Variants in ACCS observed in about 807,000 individuals in gnomAD.
ACCS encodes 1-aminocyclopropane-1-carboxylate synthase-like protein 1.
Under a neutral mutation model 59.8 loss-of-function variants are expected in ACCS, and 42 were observed. The observed-to-expected ratio is 0.70, with a 90% CI of 0.55 to 0.91. ACCS has a LOEUF of 0.91. ACCS is among the 40% of genes least tolerant of loss of function. The pLI is 0.00. For missense variants in ACCS, 602 were observed against 630.4 expected (o/e 0.95, Z 0.48); for synonymous variants, 230 against 240.3 (o/e 0.96, Z 0.40).
chr11:44,071,166 A>G (rs754253971), intron 2 of ACCS, 90 bp from the exon 3 acceptor site: 45 of 1,364,110 alleles, frequency 3.3e-5, no homozygotes, highest in Non-Finnish European at 4.5e-5. Flanking sequence ...GAGAGCTCCC[A>G]CTTTGCTTTG....
intron 10 of ACCS, chr11:44,080,641 C>A: frequency 4.1e-6 from 1 of 245,744 alleles, no homozygotes; most frequent in Non-Finnish European, 7.9e-6. Flanking sequence ...TTATGGCCAT[C>A]ATGAATGCTA....
chr11:44,073,600 A>G, intron 4 of ACCS, 83 bp downstream of exon 4: 1 of 1,385,888 alleles, frequency 7.2e-7, no homozygotes, highest in Non-Finnish European at 9.9e-7. Flanking sequence ...TATAACTGGG[A>G]AGTCAGGTGC....
At chr11:44,078,258 T>A in intron 8 of ACCS, 1 of 335,944 alleles carries the variant, frequency 3.0e-6, no homozygotes, top group Non-Finnish European at 5.4e-6. Context: ...TCCCTGGTAG[T>A]TTGAGGGGGC....
intron 6 of ACCS, 179 bp downstream of exon 6, chr11:44,075,771 G>A: frequency 1.5e-6 from 1 of 670,444 alleles, no homozygotes; most frequent in Admixed American, 2.9e-5. Flanking sequence ...TTCCAGGGGA[G>A]GTTAGTTTGA....
chr11:44,079,619 A>G lies in ACCS; in HGVS notation c.922A>G (p.Arg308Gly). The G allele has an allele frequency of 1.2e-6, 2 of 1,606,860 alleles. No individual in the cohort carries two copies. Among genetic ancestry groups the G allele is most frequent in the Non-Finnish European group, 1.7e-6 (2 of 1,176,722 alleles). ...GTACCGCAGTGTCCTAAGCCTGGAA[A>G]GGTGAGGCTCCCTGACACAGCTAAC... ...VGYRSVLSLE[R>G]LPDPQRTHVM... Residue 308 changes from arginine to glycine, a missense_variant and splice_region_variant, in exon 10 of 15, where the codon AGG becomes GGG. Transcript: ENST00000263776.
intron 8 of ACCS, chr11:44,078,370 T>C: frequency 3.3e-6 from 1 of 305,812 alleles, no homozygotes; most frequent in Non-Finnish European, 5.9e-6. Context: ...TCTACTTAAT[T>C]TTTTTTTACT....
At chr11:44,074,520 G>A (rs1565174925) in intron 4 of ACCS, 92 bp from the exon 5 acceptor site, 1 of 963,812 alleles carries the variant, frequency 1.0e-6, no homozygotes, top group Non-Finnish European at 1.7e-6. Context: ...GAAGAGTGAT[G>A]GCAGCTGCCT....
At chr11:44,074,565 G>A (rs79453091) in intron 4 of ACCS, 47 bp from the exon 5 acceptor site, 165,881 of 1,458,886 alleles carry the variant, frequency 0.11, 9,850 homozygotes, top group Middle Eastern at 0.16. Context: ...GATGCACCGT[G>A]GGTTGGGGAC....
At chr11:44,072,622 C>A (rs1953115559) in intron 3 of ACCS, among the ~76,000 whole-genome samples, 1 of 151,828 alleles carries the variant, frequency 6.6e-6, no homozygotes. Flanking sequence ...TTTATTTAGC[C>A]CAATATATTC....
chr11:44,071,498 T>C (rs1248093175), intron 3 of ACCS, 183 bp downstream of exon 3: 28 of 602,710 alleles, frequency 4.6e-5, no homozygotes, highest in Non-Finnish European at 5.8e-6. Context: ...TCTTCCCCAC[T>C]GTAGTCCTAT....
At chr11:44,082,496 T>G (rs1017732805) in intron 12 of ACCS, among the ~76,000 whole-genome samples, 1 of 152,130 alleles carries the variant, frequency 6.6e-6, no homozygotes, top group Admixed American at 6.5e-5. Context: ...TCCTGCTGAG[T>G]GAAAGCAGCT....
rs1554993077 is a variant in ACCS, at chr11:44,074,746, T to TTCTTTCTTTCTTTCTTTC, written c.489+67_489+84dup. 5.3e-5 allele frequency: 17 copies of TTCTTTCTTTCTTTCTTTC among 318,300 alleles called. No individual in the cohort carries two copies. The African/African-American group carries it at 5.4e-4, about 10-fold the overall frequency. The allele number at this position is 318,300 out of a possible 1,614,324, so 19.7% of individuals were successfully genotyped here. On this transcript the variant is annotated intron_variant, in intron 5 of 14. Coordinates refer to ENST00000263776, the MANE Select transcript of ACCS (RefSeq NM_032592.4). ...CTCCCCTCTCCATCTCTTTCTTTCTTTCTTTCTTTCTTTCTTTCTTTCTTT... is the reference window on the plus strand; with the variant it reads ...CTCCCCTCTCCATCTCTTTCTTTCTTTCTTTCTTTCTTTCTTTCTCTTTCTTTCTTTCTTTCTTTCTTT...
chr11:44,078,423 A>G, intron 8 of ACCS: 1 of 431,734 alleles, frequency 2.3e-6, no homozygotes, highest in Non-Finnish European at 4.1e-6. Context: ...GAATTTTGAA[A>G]GTGCAAAAGG....
At position 44,067,867 on chromosome 11, in the gene ACCS, C is replaced by T. The variant is rs1314625781; in HGVS notation, c.240C>T (p.Gly80=). The stretch of plus-strand genomic sequence containing the variant: ...GGTTCTGGGATTCAGCTGAGGAGGG[C>T]TACAGGACCTACCACATGGATGAGT... The part of the protein sequence containing the change: ...IKWFWDSAEE[G]YRTYHMDEYD... Residue 80 remains glycine (G), a synonymous_variant, in exon 2 of 15, where the codon GGC becomes GGT. Coordinates refer to ENST00000263776, the MANE Select transcript of ACCS (RefSeq NM_032592.4). 1.9e-6 allele frequency: 3 copies of T among 1,613,274 alleles called. No homozygotes were observed. Among genetic ancestry groups the T allele is most frequent in the Non-Finnish European group, 2.5e-6 (3 of 1,179,522 alleles).
intron 3 of ACCS, among the ~76,000 whole-genome samples, chr11:44,073,071 G>C (rs3094390): frequency 1.3e-5 from 2 of 152,076 alleles, no homozygotes; most frequent in Admixed American, 6.5e-5. Flanking sequence ...CAAGACTGAG[G>C]TTCTAGCTCT....
chr11:44,083,054 G>A, intron 12 of ACCS, 115 bp from the exon 13 acceptor site: 2 of 1,363,104 alleles, frequency 1.5e-6, no homozygotes, highest in East Asian at 2.3e-5. Flanking sequence ...AGCTAGAGGA[G>A]GGACTCAACA....
chr11:44,078,289 G>C (rs895203028), intron 8 of ACCS: 1 of 322,442 alleles, frequency 3.1e-6, no homozygotes, highest in Non-Finnish European at 5.6e-6. Flanking sequence ...ACTGTGGGGG[G>C]AGCTGAGGAC....
At chr11:44,067,965 G>C in intron 2 of ACCS, 50 bp downstream of exon 2, 1 of 1,537,930 alleles carries the variant, frequency 6.5e-7, no homozygotes, top group Non-Finnish European at 8.7e-7. Context: ...CTGCAGGGTG[G>C]GGTACCCTAC....
At chr11:44,079,022 A>G (rs1036253615) in intron 9 of ACCS, 2 of 518,936 alleles carry the variant, frequency 3.9e-6, no homozygotes, top group Non-Finnish European at 6.9e-6. Flanking sequence ...GCACCATGCT[A>G]AGCACTTTAT....
Sources: gnomAD v4.1 joint callset for allele counts (sites outside exome capture counted in the v4.1 genomes callset) on GRCh38, gnomAD v4.1.1 for gene constraint, MANE v1.5 for transcripts, NCBI Gene and HGNC (gene_info 2026-07-23, HGNC 2026-07-21) for gene names.